Variants in CYP7B1 observed in about 807,000 individuals in gnomAD.
CYP7B1 encodes cytochrome P450 family 7 subfamily B member 1.
In CYP7B1, 29 loss-of-function variants were observed where a neutral mutation model predicts 42.7. The ratio of observed to expected loss-of-function variants is 0.68; its 90% CI spans 0.51 to 0.93. The LOEUF (loss-of-function observed/expected upper bound fraction) is 0.93. Among genes scored for constraint, CYP7B1 ranks in the 40% least tolerant of loss-of-function variants. The pLI is 0.00. For missense variants in CYP7B1, 655 were observed against 600.5 expected (o/e 1.09, Z -0.95); for synonymous variants, 235 against 218.2 (o/e 1.08, Z -0.68).
intron 1 of CYP7B1, among the ~76,000 whole-genome samples, chr8:64,741,363 A>T (rs1341267602): frequency 6.6e-6 from 1 of 151,920 alleles, no homozygotes; most frequent in Non-Finnish European, 1.5e-5. Context: ...CTTGTTGCCC[A>T]GGTTGGAGTG....
At chr8:64,588,754 T>C (rs974921420), downstream of CYP7B1, among the ~76,000 whole-genome samples, 2 of 145,392 alleles carry the variant, frequency 1.4e-5, no homozygotes, top group African/African-American at 4.9e-5. Flanking sequence ...GTGCAGTCTA[T>C]TTCTGCAGTA....
rs527456550 is a variant in CYP7B1, at chr8:64,677,570, G to A, written c.123-53031C>T. On this transcript the variant is annotated intron_variant, in intron 1 of 5. Transcript: ENST00000310193. ...CATTCTCAAGCAACTGAGGAGGACA[G>A]GCCATAAAAGCTCTATCGCCATCAC... is the stretch of plus-strand genomic sequence containing the variant. Among the ~76,000 whole-genome samples the A allele has an allele frequency of 8.6e-5, 13 of 151,730 alleles. No individual in the cohort carries two copies. The South Asian group carries it at 2.7e-3, about 32-fold the overall frequency.
At chr8:64,687,168 A>C (rs1409395200) in intron 1 of CYP7B1, among the ~76,000 whole-genome samples, 1 of 152,262 alleles carries the variant, frequency 6.6e-6, no homozygotes, top group Non-Finnish European at 1.5e-5. Context: ...ATAGTAGCCA[A>C]ATGTGGAAGG....
chr8:64,600,863 C>G (rs1397142722), intron 5 of CYP7B1, among the ~76,000 whole-genome samples: 3 of 152,144 alleles, frequency 2.0e-5, no homozygotes, highest in Non-Finnish European at 4.4e-5. Context: ...ATAGGAAGCA[C>G]CTCACTATGA....
chr8:64,709,815 G>A (rs928589697), intron 1 of CYP7B1, among the ~76,000 whole-genome samples: 3 of 152,132 alleles, frequency 2.0e-5, no homozygotes, highest in Non-Finnish European at 2.9e-5. Context: ...TAAGATTGTT[G>A]AAAATTAAGC....
At chr8:64,588,161 TAGA>T (rs1804993046), downstream of CYP7B1, among the ~76,000 whole-genome samples, 1 of 152,152 alleles carries the variant, frequency 6.6e-6, no homozygotes, top group Admixed American at 6.5e-5. Flanking sequence ...TGAAATGCTA[TAGA>T]AGAATGATAC....
In CYP7B1 at chr8:64,593,166, G is replaced by A. The variant is rs373063543; in HGVS notation, c.*3476C>T. Among the ~76,000 whole-genome samples the A allele has an allele frequency of 7.2e-5, 11 of 151,828 alleles. No homozygotes were observed. Among genetic ancestry groups the A allele is most frequent in the African/African-American group, 1.2e-4 (5 of 41,306 alleles). On this transcript the variant is annotated 3_prime_UTR_variant, in exon 6 of 6. Coordinates refer to ENST00000310193, the MANE Select transcript of CYP7B1 (RefSeq NM_004820.5). ...GAACTTCCACTTTAGGCAACATGGC[G>A]AACTAGACGTCCAAGTACGAAAAGG...
At chr8:64,770,204 C>A (rs1052461991) in intron 1 of CYP7B1, among the ~76,000 whole-genome samples, 1 of 151,946 alleles carries the variant, frequency 6.6e-6, no homozygotes, top group Admixed American at 6.6e-5. Context: ...TGAGACCAAC[C>A]GTGTGCCATA....
At chr8:64,652,056 T>C (rs1031191969) in intron 1 of CYP7B1, among the ~76,000 whole-genome samples, 1 of 152,174 alleles carries the variant, frequency 6.6e-6, no homozygotes, top group Admixed American at 6.5e-5. Flanking sequence ...ACCTGAAAAT[T>C]AACAGGTGAA....
intron 1 of CYP7B1, chr8:64,734,298 A>G (rs1238132887): frequency 6.6e-6 from 1 of 152,212 alleles, no homozygotes; most frequent in Non-Finnish European, 1.5e-5. Context: ...CTAACAAAAT[A>G]CCTGAGACTG....
chr8:64,661,402 C>G (rs1375249481), intron 1 of CYP7B1, among the ~76,000 whole-genome samples: 1 of 152,162 alleles, frequency 6.6e-6, no homozygotes, highest in African/African-American at 2.4e-5. Flanking sequence ...AGCTCAAGAA[C>G]TTTGGTGCGA....
chr8:64,680,737 C>T (rs540198907), intron 1 of CYP7B1, among the ~76,000 whole-genome samples: 51 of 152,312 alleles, frequency 3.3e-4, no homozygotes, highest in African/African-American at 1.1e-3. Flanking sequence ...TATGCTTTCA[C>T]TTCTTCTGAC....
chr8:64,638,183 A>G (rs1269879053), intron 1 of CYP7B1, among the ~76,000 whole-genome samples: 1 of 150,186 alleles, frequency 6.7e-6, no homozygotes, highest in Non-Finnish European at 1.5e-5. Context: ...TCTTTGTTTC[A>G]GTTTTTAAAG....
At chr8:64,606,733 G>C (rs1014399547) in intron 4 of CYP7B1, among the ~76,000 whole-genome samples, 13 of 152,168 alleles carry the variant, frequency 8.5e-5, no homozygotes, top group African/African-American at 3.1e-4. Flanking sequence ...TCCAGTACCA[G>C]TTATGTGTGC....
At chr8:64,715,369 G>A (rs1807140227) in intron 1 of CYP7B1, among the ~76,000 whole-genome samples, 4 of 152,096 alleles carry the variant, frequency 2.6e-5, no homozygotes, top group African/African-American at 9.7e-5. Context: ...GAAGGGAAAG[G>A]GACATAAAAG....
At chr8:64,747,419 TTAAC>T (rs1165888761) in intron 1 of CYP7B1, among the ~76,000 whole-genome samples, 1 of 151,188 alleles carries the variant, frequency 6.6e-6, no homozygotes, top group Non-Finnish European at 1.5e-5. Flanking sequence ...CCCCAAAAAC[TTAAC>T]TAATAGCATA....
At chr8:64,725,634 C>T (rs1807311966) in intron 1 of CYP7B1, among the ~76,000 whole-genome samples, 1 of 152,144 alleles carries the variant, frequency 6.6e-6, no homozygotes. Flanking sequence ...AACTGCAAGG[C>T]TTGGGCCTGT....
intron 4 of CYP7B1, among the ~76,000 whole-genome samples, chr8:64,610,001 T>C (rs946576132): frequency 6.6e-6 from 1 of 152,152 alleles, no homozygotes; most frequent in Non-Finnish European, 1.5e-5. Context: ...ATGCAAAGTG[T>C]TTAAAGCCTC....
chr8:64,659,667 C>G (rs11986615), intron 1 of CYP7B1, among the ~76,000 whole-genome samples: 1 of 151,952 alleles, frequency 6.6e-6, no homozygotes, highest in Non-Finnish European at 1.5e-5. Flanking sequence ...AGCATAATCA[C>G]GGTTATTCAT....
Sources: gnomAD v4.1 joint callset for allele counts (sites outside exome capture counted in the v4.1 genomes callset) on GRCh38, gnomAD v4.1.1 for gene constraint, MANE v1.5 for transcripts, NCBI Gene and HGNC (gene_info 2026-07-23, HGNC 2026-07-21) for gene names.